UGT3A1: variants seen among roughly 807,000 people sequenced by gnomAD.
UGT3A1 encodes UDP glycosyltransferase family 3 member A1, also known as UDP-glycosyltransferase 3A1.
A neutral mutation model predicts 37.6 loss-of-function variants in UGT3A1; 40 were observed. The ratio of observed to expected loss-of-function variants is 1.06; its 90% CI spans 0.83 to 1.38. The LOEUF (loss-of-function observed/expected upper bound fraction) is 1.38. Among genes scored for constraint, UGT3A1 ranks in the 40% most tolerant of loss-of-function variants. The pLI is 0.00. For synonymous variants in UGT3A1, 256 were observed against 232.3 expected, an observed-to-expected ratio of 1.10 and a Z score of -0.93; for missense variants, 642 against 634.2, an observed-to-expected ratio of 1.01 and a Z score of -0.13.
chr5:35,970,345 T>C (rs1315986095), intron 2 of UGT3A1, among the ~76,000 whole-genome samples: 1 of 149,808 alleles, frequency 6.7e-6, no homozygotes, highest in African/African-American at 2.5e-5. Flanking sequence ...TGAGCTGAGA[T>C]AGCGCCACTG....
At chr5:35,955,518 C>T in intron 6 of UGT3A1, 127 bp downstream of exon 6, 1 of 1,079,306 alleles carries the variant, frequency 9.3e-7, no homozygotes, top group Non-Finnish European at 1.4e-6. Context: ...GGGCTGTTAG[C>T]ATCACACACA....
chr5:35,959,242 A>T (rs1440992633), intron 4 of UGT3A1, among the ~76,000 whole-genome samples: 1 of 152,132 alleles, frequency 6.6e-6, no homozygotes, highest in Admixed American at 6.5e-5. Flanking sequence ...AGACTGACAG[A>T]AGTAACTAAT....
chr5:35,977,563 CTCA>C (rs1740341716), intron 2 of UGT3A1, among the ~76,000 whole-genome samples: 2 of 152,168 alleles, frequency 1.3e-5, no homozygotes, highest in Admixed American at 1.3e-4. Flanking sequence ...AGCTCCCTCT[CTCA>C]TCATGTGACT....
chr5:35,986,381 T>C (rs968049783), intron 2 of UGT3A1, among the ~76,000 whole-genome samples: 4 of 152,172 alleles, frequency 2.6e-5, no homozygotes, highest in African/African-American at 7.2e-5. Flanking sequence ...CCCATGTTTA[T>C]TGCAGCACTG....
intron 2 of UGT3A1, among the ~76,000 whole-genome samples, chr5:35,972,186 C>T (rs963999328): frequency 3.2e-4 from 49 of 152,030 alleles, no homozygotes; most frequent in Admixed American, 2.8e-3. Flanking sequence ...AGAGAGTACA[C>T]GGTTAATTAA....
intron 2 of UGT3A1, among the ~76,000 whole-genome samples, chr5:35,971,459 C>G (rs943785728): frequency 8.2e-6 from 1 of 121,894 alleles, no homozygotes; most frequent in African/African-American, 3.0e-5. Context: ...AAATGACACA[C>G]GCATACACAC....
chr5:35,995,224 C>T (rs561067797), upstream of UGT3A1, among the ~76,000 whole-genome samples: 10 of 152,320 alleles, frequency 6.6e-5, no homozygotes, highest in South Asian at 2.1e-3. Context: ...TCTGTTCCCC[C>T]CTTCTCCTCC....
At chr5:35,995,645 G>T (rs1244502247), upstream of UGT3A1, among the ~76,000 whole-genome samples, 2 of 151,986 alleles carry the variant, frequency 1.3e-5, no homozygotes, top group Non-Finnish European at 2.9e-5. Flanking sequence ...ACCCCTGAAG[G>T]CCCAATAGAG....
chr5:35,980,060 G>A (rs1740457017), intron 2 of UGT3A1, among the ~76,000 whole-genome samples: 1 of 152,176 alleles, frequency 6.6e-6, no homozygotes, highest in South Asian at 2.1e-4. Context: ...ATGAGATTCT[G>A]GTGGGGACAC....
chr5:35,988,922 A>C (rs1740831473), intron 1 of UGT3A1, among the ~76,000 whole-genome samples: 1 of 152,220 alleles, frequency 6.6e-6, no homozygotes, highest in African/African-American at 2.4e-5. Context: ...TGTCTCCAAA[A>C]TATAACTGCA....
At chr5:35,960,316 C>T (rs1190008398) in intron 4 of UGT3A1, among the ~76,000 whole-genome samples, 1 of 152,214 alleles carries the variant, frequency 6.6e-6, no homozygotes, top group African/African-American at 2.4e-5. Flanking sequence ...TAGTGTAGTA[C>T]TGCCATAAAG....
At position 35,998,963 on chromosome 5, in the gene UGT3A1, G is replaced by C. The variant is rs190998890; in HGVS notation, c.-159-1634C>G. Among the ~76,000 whole-genome samples the C allele has an allele frequency of 2.7e-3, 410 of 152,208 alleles. 4 individuals are homozygous for C. Among genetic ancestry groups the C allele is most frequent in the African/African-American group, 9.5e-3 (393 of 41,544 alleles). ...ATAAAAAATGTACAATAGGCCGAGC[G>C]CGGTGGCTCACGCCTGTAATCCCAG... On this transcript the variant is annotated intron_variant, in intron 1 of 5. Transcript: ENST00000625798.
At chr5:35,979,487 CAGTTCCTCATA>C (rs1651461850) in intron 2 of UGT3A1, among the ~76,000 whole-genome samples, 1 of 152,172 alleles carries the variant, frequency 6.6e-6, no homozygotes, top group African/African-American at 2.4e-5. Context: ...ACCTTTGCTT[CAGTTCCTCATA>C]AGTTCCTCAT....
chr5:35,978,736 C>T (rs1294278435), intron 2 of UGT3A1, among the ~76,000 whole-genome samples: 2 of 152,136 alleles, frequency 1.3e-5, no homozygotes, highest in East Asian at 1.9e-4. Flanking sequence ...AACAATCATG[C>T]CTTCCCAATA....
At position 35,957,279 on chromosome 5, in the gene UGT3A1, T is replaced by C. The variant is rs1391272060; in HGVS notation, c.984A>G (p.Ile328Met). 1 of 1,614,020 alleles carries C rather than the reference T, an allele frequency of 6.2e-7. No homozygotes were observed. The highest frequency in any genetic ancestry group is 1.3e-5 in the African/African-American group (1 of 74,922). ...GCCAATGAGAACTCTGACATGTCCA[T>C]ATCACTCCTTGAGGGAGGTGGGCAA... ...NAFAHLPQGV[I>M]WTCQSSHWPR... Residue 328 changes from isoleucine to methionine, a missense_variant, in exon 5 of 7, where the codon ATA becomes ATG. Transcript: ENST00000274278.
At chr5:35,994,335 G>GTT, upstream of UGT3A1, among the ~76,000 whole-genome samples, 14 of 90,260 alleles carry the variant, frequency 1.6e-4, no homozygotes, top group Admixed American at 1.4e-3. Context: ...TGTTTTGTTT[G>GTT]TGTGTGTGTG....
At chr5:35,977,164 G>A (rs1740322865) in intron 2 of UGT3A1, among the ~76,000 whole-genome samples, 1 of 151,838 alleles carries the variant, frequency 6.6e-6, no homozygotes, top group Non-Finnish European at 1.5e-5. Context: ...GAGAAAGTAA[G>A]TTATAACAGA....
chr5:35,999,821 C>T (rs748938066), intron 1 of UGT3A1, among the ~76,000 whole-genome samples: 2 of 152,158 alleles, frequency 1.3e-5, no homozygotes, highest in Non-Finnish European at 2.9e-5. Context: ...GCCATCATCT[C>T]AAAATTACAA....
intron 2 of UGT3A1, among the ~76,000 whole-genome samples, chr5:35,975,279 CTCAG>C (rs758480302): frequency 6.6e-6 from 1 of 152,236 alleles, no homozygotes; most frequent in Non-Finnish European, 1.5e-5. Context: ...CTGCAGAGTA[CTCAG>C]TCAGCCAGTG....
Sources: allele counts gnomAD v4.1 joint callset (sites outside exome capture counted in the v4.1 genomes callset), GRCh38; gene constraint gnomAD v4.1.1; transcripts MANE v1.5; gene names NCBI Gene and HGNC (gene_info 2026-07-23, HGNC 2026-07-21).